VPS4A: variants seen among roughly 807,000 people sequenced by gnomAD.
VPS4A encodes the protein vacuolar protein sorting 4 homolog A.
In VPS4A, 20 loss-of-function variants were observed where a neutral mutation model predicts 52.3. That is an observed-to-expected ratio of 0.38 (90% CI 0.27 to 0.56). The LOEUF (loss-of-function observed/expected upper bound fraction) is 0.56. VPS4A is among the 20% of genes least tolerant of loss of function. The pLI, the probability that VPS4A is intolerant of heterozygous loss-of-function variation, is 0.72. For synonymous variants in VPS4A, 293 were observed against 227.7 expected (o/e 1.29, Z -2.58); for missense variants, 419 against 575.9 (o/e 0.73, Z 2.79).
intron 6 of VPS4A, among the ~76,000 whole-genome samples, 192 bp from the exon 7 acceptor site, chr16:69,319,949 G>A (rs141354167): frequency 6.6e-6 from 1 of 152,290 alleles, no homozygotes; most frequent in East Asian, 1.9e-4. Context: ...TGCGTTTGGG[G>A]CTGACACCAA....
In VPS4A at chr16:69,318,818, C is replaced by G. The variant is rs369970450; in HGVS notation, c.344-5C>G. The G allele has an allele frequency of 2.5e-6, 4 of 1,612,848 alleles. No homozygotes were observed. The highest frequency in any genetic ancestry group is 3.4e-6 in the Non-Finnish European group (4 of 1,179,410). On this transcript the variant is annotated splice_region_variant and splice_polypyrimidine_tract_variant and intron_variant, in intron 4 of 10. Transcript: ENST00000254950. ...CCCGGGCCCGGGCCGGCCTCCCTCT[C>G]GCAGGTGCCGTCGTGATGGAGAAGC... is the stretch of plus-strand genomic sequence containing the variant.
In VPS4A at chr16:69,320,816, A is replaced by G. The variant is rs1436044901; in HGVS notation, c.851+47A>G. On this transcript the variant is annotated intron_variant, in intron 8 of 10. Coordinates refer to ENST00000254950, the MANE Select transcript of VPS4A (RefSeq NM_013245.3). This position sits in a 1 kb window ranked among gnomAD's most constrained non-coding sequence, Gnocchi z 4.2. Reference sequence around the variant, plus strand: ...CCAGGGCTGGAGGCTTCCTCCCACCATGGTCACGGTCCGCCTGCTGCTGGC... The same window carrying G: ...CCAGGGCTGGAGGCTTCCTCCCACCGTGGTCACGGTCCGCCTGCTGCTGGC... 1 of 1,551,176 alleles carries G rather than the reference A, an allele frequency of 6.4e-7. No individual in the cohort carries two copies. The highest frequency in any genetic ancestry group is 8.8e-7 in the Non-Finnish European group (1 of 1,141,088).
At position 69,321,632 on chromosome 16, in the gene VPS4A, A is replaced by C; in HGVS notation, c.1071+362A>C. ...GAAGACCTGTCTATTCATTCAGCAG[A>C]TCTCTGCTGAGTATTTGCTGTGGGT... On this transcript the variant is annotated intron_variant, in intron 9 of 10. Coordinates refer to ENST00000254950, the MANE Select transcript of VPS4A (RefSeq NM_013245.3). The surrounding 1 kb of genome is among the most constrained non-coding windows in gnomAD (Gnocchi z 4.5). 1 of 288,290 alleles carries C rather than the reference A, an allele frequency of 3.5e-6. No individual in the cohort carries two copies. The highest frequency in any genetic ancestry group is 6.8e-6 in the Non-Finnish European group (1 of 147,888). The allele number at this position is 288,290 out of a possible 1,614,324, so 17.9% of individuals were successfully genotyped here.
chr16:69,322,283 A>T, intron 9 of VPS4A: 1 of 291,404 alleles, frequency 3.4e-6, no homozygotes, highest in Non-Finnish European at 6.4e-6. Flanking sequence ...GTGGGGGCAC[A>T]GCTAAACCAT....
Position 69,311,498 on chromosome 16 carries a change from A to T in VPS4A, c.-14A>T. Reference sequence around the variant, plus strand: ...AGCAGCGCCGCGGGGTGTGGGGCGGACCCAGGAGATGAAATGACAACGTCA... The same window carrying T: ...AGCAGCGCCGCGGGGTGTGGGGCGGTCCCAGGAGATGAAATGACAACGTCA... On this transcript the variant is annotated 5_prime_UTR_variant, in exon 1 of 11. Coordinates refer to ENST00000254950, the MANE Select transcript of VPS4A (RefSeq NM_013245.3). 1 of 1,350,634 alleles carries T rather than the reference A, an allele frequency of 7.4e-7. No homozygotes were observed. The highest frequency in any genetic ancestry group is 2.7e-5 in the Admixed American group (1 of 36,690). 83.7% of individuals were successfully genotyped at this position (1,350,634 alleles called of 1,614,324 possible). A position where few individuals can be genotyped will look rare whatever the true frequency, so the allele number is the denominator to read the frequency against.
rs756368860 is a variant in VPS4A at position 69,318,793 on chromosome 16, CCCGGGCCCGGG to C, written c.344-25_344-15del. On this transcript the variant is annotated intron_variant, in intron 4 of 10. Transcript: ENST00000254950. ...GGTTGGCTCATGCCCCTTGGCCGGG[CCCGGGCCCGGG>C]CCGGCCTCCCTCTCGCAGGTGCCGT... The C allele has an allele frequency of 3.2e-6, 5 of 1,584,144 alleles. No homozygotes were observed. The South Asian group carries it at 4.0e-5, about 13-fold the overall frequency.
rs1165402237 is a variant in VPS4A at position 69,321,306 on chromosome 16, TAGTA to T, written c.1071+39_1071+42del. On this transcript the variant is annotated intron_variant, in intron 9 of 10. Transcript: ENST00000254950. The surrounding 1 kb of genome is among the most constrained non-coding windows in gnomAD (Gnocchi z 4.5). ...GCGGCCACTGCTGAGAAAAATCTCA[TAGTA>T]AGAGCGGGATGTTCGGTTTTTTTTT... The T allele has an allele frequency of 3.9e-6, 6 of 1,539,808 alleles. No homozygotes were observed. The African/African-American group carries it at 4.1e-5, about 11-fold the overall frequency.
At chr16:69,318,409 A>T (rs537000159) in intron 3 of VPS4A, among the ~76,000 whole-genome samples, 1 of 152,222 alleles carries the variant, frequency 6.6e-6, no homozygotes, top group South Asian at 2.1e-4. Flanking sequence ...CCGGATTCCC[A>T]TCTGCTCCGC....
rs1161185041 is a variant in VPS4A, at chr16:69,319,415, G to A, written c.492G>A (p.Leu164=). ...AGCGCACCCCCTGGCGGGGGATTCTGCTGTTCGGACCCCCTGGCACAGGGA... is the reference window on the plus strand; with the variant it reads ...AGCGCACCCCCTGGCGGGGGATTCTACTGTTCGGACCCCCTGGCACAGGGA... The part of the protein sequence containing the change: ...TGKRTPWRGI[L]LFGPPGTGKS... The change falls in exon 6 of 11, where the codon CTG becomes CTA. Residue 164 remains leucine (L), a synonymous_variant. Transcript: ENST00000254950. The A allele has an allele frequency of 1.2e-6, 2 of 1,613,890 alleles. No individual in the cohort carries two copies. The highest frequency in any genetic ancestry group is 4.5e-5 in the East Asian group (2 of 44,898).
Position 69,321,545 on chromosome 16 carries a change from T to C in VPS4A, c.1071+275T>C, listed in dbSNP as rs752804178. 2.0e-6 allele frequency: 1 copy of C among 488,140 alleles called. No individual in the cohort carries two copies. The highest frequency in any genetic ancestry group is 1.9e-5 in the African/African-American group (1 of 51,804). 30.2% of individuals were successfully genotyped at this position (488,140 alleles called of 1,614,324 possible). On this transcript the variant is annotated intron_variant, in intron 9 of 10. Coordinates refer to ENST00000254950, the MANE Select transcript of VPS4A (RefSeq NM_013245.3). The surrounding 1 kb of genome is among the most constrained non-coding windows in gnomAD (Gnocchi z 4.5). ...TGCGGCCTCCTCCGTCAGCACTGTG[T>C]GCTCTTGTGCGGGGTGGACACCAAA...
rs772468445 is a variant in VPS4A at position 69,315,986 on chromosome 16, G to C, written c.22-22G>C. The C allele has an allele frequency of 3.1e-6, 5 of 1,608,870 alleles. No individual in the cohort carries two copies. In the South Asian group the frequency reaches 5.5e-5, roughly 18 times the overall value. On this transcript the variant is annotated intron_variant, in intron 1 of 10. Transcript: ENST00000254950. Reference sequence around the variant, plus strand: ...TTCCACCTCTCCGAGGAAGCACTGAGCCATTTGCTTTGCCTTTCCAGAAAG... The same window carrying C: ...TTCCACCTCTCCGAGGAAGCACTGACCCATTTGCTTTGCCTTTCCAGAAAG...
chr16:69,321,503 T>C lies in VPS4A; in HGVS notation c.1071+233T>C, dbSNP rs192394450. 1.7e-6 allele frequency: 1 copy of C among 575,800 alleles called. No homozygotes were observed. Among genetic ancestry groups the C allele is most frequent in the South Asian group, 2.0e-5 (1 of 49,608 alleles). The allele number at this position is 575,800 out of a possible 1,614,324, so 35.7% of individuals were successfully genotyped here. ...GTGAAAGCAGAGGACAGGGCCACTTTACTGTCTTAACCCTGCTGCGGCCTC... is the reference window on the plus strand; with the variant it reads ...GTGAAAGCAGAGGACAGGGCCACTTCACTGTCTTAACCCTGCTGCGGCCTC... On this transcript the variant is annotated intron_variant, in intron 9 of 10. Transcript: ENST00000254950. The surrounding 1 kb of genome is among the most constrained non-coding windows in gnomAD (Gnocchi z 4.5).
intron 5 of VPS4A, 125 bp downstream of exon 5, chr16:69,319,067 T>A (rs1411801742): frequency 2.2e-6 from 3 of 1,358,828 alleles, no homozygotes; most frequent in Non-Finnish European, 3.0e-6. Context: ...CAGGCCTGGC[T>A]GCTCGCTGGT....
At position 69,326,542 on chromosome 16, in the gene VPS4A, T is replaced by C. The variant is rs1338027248; in HGVS notation, c.*2233T>C. 6.6e-6 allele frequency: 1 copy of C among 152,260 alleles called. No homozygotes were observed. The highest frequency in any genetic ancestry group is 1.5e-5 in the Non-Finnish European group (1 of 68,044). 9.4% of individuals were successfully genotyped at this position (152,260 alleles called of 1,614,324 possible). ...ACAAGTCCTAGGGGTTAACAAAGGT[T>C]AGCATGGCTATGGTCCATCCCTGTG... On this transcript the variant is annotated 3_prime_UTR_variant, in exon 11 of 11. Transcript: ENST00000254950.
At position 69,321,216 on chromosome 16, in the gene VPS4A, G is replaced by A. The variant is rs1049251347; in HGVS notation, c.1017G>A (p.Arg339=). ...YSGADISIIV[R]DSLMQPVRKV... ...GCGCGGACATCAGCATCATCGTGCG[G>A]GACTCTCTCATGCAGCCCGTGAGGA... The change falls in exon 9 of 11, where the codon CGG becomes CGA. Residue 339 remains arginine, a synonymous_variant. Transcript: ENST00000254950. The surrounding 1 kb of genome is among the most constrained non-coding windows in gnomAD (Gnocchi z 4.5). 4.5e-6 allele frequency: 7 copies of A among 1,567,676 alleles called. No individual in the cohort carries two copies. The highest frequency in any genetic ancestry group is 1.4e-5 in the African/African-American group (1 of 73,580).
chr16:69,318,375 T>C (rs1965464224), intron 3 of VPS4A, among the ~76,000 whole-genome samples: 1 of 152,188 alleles, frequency 6.6e-6, no homozygotes, highest in Non-Finnish European at 1.5e-5. Context: ...ACATTTCCCT[T>C]ACGGCCTTCA....
At chr16:69,317,748 G>A (rs1227934787) in intron 3 of VPS4A, among the ~76,000 whole-genome samples, 6 of 151,876 alleles carry the variant, frequency 4.0e-5, no homozygotes, top group East Asian at 1.9e-4. Flanking sequence ...AGCCGAGATC[G>A]AGCCACTACA....
In VPS4A at chr16:69,324,747, C is replaced by G. The variant is rs1229132570; in HGVS notation, c.*438C>G. The G allele has an allele frequency of 5.2e-6, 1 of 192,722 alleles. No homozygotes were observed. The highest frequency in any genetic ancestry group is 2.3e-5 in the African/African-American group (1 of 43,556). The allele number at this position is 192,722 out of a possible 1,614,324, so 11.9% of individuals were successfully genotyped here. ...AGCCGGCTAGCCCCACTGCCCGTTC[C>G]TTTTACGCCCAAGTTTTGCTCCTTG... On this transcript the variant is annotated 3_prime_UTR_variant, in exon 11 of 11. Transcript: ENST00000254950.
intron 1 of VPS4A, among the ~76,000 whole-genome samples, chr16:69,313,662 C>T (rs1965403170): frequency 6.6e-6 from 1 of 152,136 alleles, no homozygotes; most frequent in South Asian, 2.1e-4. Flanking sequence ...TTTATTGGAA[C>T]ACATCCCTGT....
Sources: allele counts gnomAD v4.1 joint callset (sites outside exome capture counted in the v4.1 genomes callset), GRCh38; gene constraint gnomAD v4.1.1; non-coding constraint Gnocchi (gnomAD v3.1); transcripts MANE v1.5; gene names NCBI Gene and HGNC (gene_info 2026-07-23, HGNC 2026-07-21).